The following TRIO variants were observed in gnomAD, a reference collection of about 807,000 sequenced individuals.
The protein encoded by TRIO is trio Rho guanine nucleotide exchange factor, also known as triple functional domain protein.
Under a neutral mutation model 351.9 loss-of-function variants are expected in TRIO, and 58 were observed. That is an observed-to-expected ratio of 0.16 (90% confidence interval 0.13 to 0.21). The LOEUF (loss-of-function observed/expected upper bound fraction) is 0.21. Among genes scored for constraint, TRIO ranks in the 10% least tolerant of loss-of-function variants. TRIO has a pLI of 1.00. For synonymous variants in TRIO, 1,758 were observed against 1,595.7 expected (o/e 1.10, Z -2.42); for missense variants, 3,201 against 4,027.8 (o/e 0.79, Z 5.56).
chr5:14,171,766 G>A (rs1308422241), intron 1 of TRIO, among the ~76,000 whole-genome samples: 1 of 152,148 alleles, frequency 6.6e-6, no homozygotes, highest in Non-Finnish European at 1.5e-5. Context: ...AGAAAGAGAC[G>A]GCAGGAAGGA....
intron 8 of TRIO, among the ~76,000 whole-genome samples, chr5:14,308,100 A>G (rs1738533423): frequency 6.6e-6 from 1 of 151,988 alleles, no homozygotes; most frequent in Admixed American, 6.5e-5. Context: ...ATGGTTCCTT[A>G]CAGTATTGTA....
intron 34 of TRIO, among the ~76,000 whole-genome samples, chr5:14,451,527 C>T (rs1402079382): frequency 6.6e-6 from 1 of 152,182 alleles, no homozygotes; most frequent in African/African-American, 2.4e-5. Context: ...TTACAGCCTC[C>T]CTTGTATGGT....
intron 1 of TRIO, among the ~76,000 whole-genome samples, chr5:14,235,150 C>A (rs1447375446): frequency 1.3e-5 from 2 of 152,140 alleles, no homozygotes; most frequent in Non-Finnish European, 2.9e-5. Context: ...TGTTACCCTA[C>A]CCATCCTGGC....
intron 1 of TRIO, among the ~76,000 whole-genome samples, chr5:14,216,724 C>T (rs1408978368): frequency 1.3e-5 from 2 of 152,228 alleles, no homozygotes; most frequent in Non-Finnish European, 2.9e-5. Flanking sequence ...ATTATAAAAG[C>T]ATGTTTATAG....
At chr5:14,453,522 C>T (rs997355452) in intron 34 of TRIO, among the ~76,000 whole-genome samples, 5 of 152,158 alleles carry the variant, frequency 3.3e-5, no homozygotes, top group African/African-American at 1.2e-4. Flanking sequence ...GTCCTTTATG[C>T]CTCAGCCATC....
chr5:14,377,443 G>A (rs1303559599), intron 19 of TRIO, among the ~76,000 whole-genome samples: 1 of 151,804 alleles, frequency 6.6e-6, no homozygotes, highest in Non-Finnish European at 1.5e-5. Flanking sequence ...ACAGAGTTTC[G>A]CTATGTTGGC....
chr5:14,367,036 C>A (rs1207758938), intron 16 of TRIO, 57 bp downstream of exon 16: 1 of 1,604,628 alleles, frequency 6.2e-7, no homozygotes, highest in Non-Finnish European at 8.5e-7. Flanking sequence ...GACAAACATC[C>A]TGAATCCCCC....
chr5:14,287,742 T>G (rs1161237337), intron 4 of TRIO, among the ~76,000 whole-genome samples: 1 of 152,232 alleles, frequency 6.6e-6, no homozygotes, highest in Non-Finnish European at 1.5e-5. Flanking sequence ...AGGAAAGTCT[T>G]CCTGCCAGCA....
intron 33 of TRIO, 97 bp from the exon 34 acceptor site, chr5:14,419,681 G>T: frequency 6.5e-7 from 1 of 1,535,096 alleles, no homozygotes; most frequent in Non-Finnish European, 8.8e-7. Context: ...CTCCGGGGCA[G>T]GGTGGCAGGA....
intron 1 of TRIO, among the ~76,000 whole-genome samples, chr5:14,235,968 A>G (rs1212424642): frequency 6.6e-6 from 1 of 152,158 alleles, no homozygotes; most frequent in East Asian, 1.9e-4. Flanking sequence ...CCCCAGCCCT[A>G]TAAAACTGTA....
Position 14,431,976 on chromosome 5 carries a change from A to G in TRIO, c.5203+11955A>G, listed in dbSNP as rs965843392. 1.4e-4 allele frequency among the ~76,000 whole-genome samples: 22 copies of G among 152,292 alleles called. 1 individual carries two copies. Among genetic ancestry groups the G allele is most frequent in the Admixed American group, 3.3e-4 (5 of 15,294 alleles). ...TTTAATTTAATCACCTCCTTAAAAGACCTTGTTTCCAAATACAGTCACATT... is the reference window on the plus strand; with the variant it reads ...TTTAATTTAATCACCTCCTTAAAAGGCCTTGTTTCCAAATACAGTCACATT... On this transcript the variant is annotated intron_variant, in intron 34 of 56. Transcript: ENST00000344204.
At chr5:14,437,685 CA>C (rs376087849) in intron 34 of TRIO, among the ~76,000 whole-genome samples, 8,014 of 122,930 alleles carry the variant, frequency 0.065, 526 homozygotes, top group African/African-American at 0.089. Flanking sequence ...GGATGAGGAC[CA>C]CCCCCCCCGC....
At chr5:14,405,732 G>A in intron 31 of TRIO, 116 bp from the exon 32 acceptor site, 2 of 1,305,858 alleles carry the variant, frequency 1.5e-6, no homozygotes, top group Non-Finnish European at 2.1e-6. Context: ...TTGCTTTTCT[G>A]CTAAAAAGTC....
At chr5:14,249,798 G>C (rs1453821129) in intron 1 of TRIO, among the ~76,000 whole-genome samples, 1 of 152,196 alleles carries the variant, frequency 6.6e-6, no homozygotes, top group Non-Finnish European at 1.5e-5. Flanking sequence ...CAAGCTGCCT[G>C]ACACCCAGAG....
At chr5:14,221,774 C>G (rs1052959752) in intron 1 of TRIO, among the ~76,000 whole-genome samples, 1 of 152,212 alleles carries the variant, frequency 6.6e-6, no homozygotes, top group Non-Finnish European at 1.5e-5. Context: ...GAGATGGAAT[C>G]TACACTTGGT....
At chr5:14,225,547 T>A (rs1792937001) in intron 1 of TRIO, among the ~76,000 whole-genome samples, 1 of 152,134 alleles carries the variant, frequency 6.6e-6, no homozygotes. Context: ...GGGTTCTTGC[T>A]GGCTGTTGGC....
chr5:14,389,899 G>T (rs1185887132), intron 25 of TRIO, among the ~76,000 whole-genome samples: 2 of 152,232 alleles, frequency 1.3e-5, no homozygotes, highest in African/African-American at 2.4e-5. Context: ...TAGGTGGCCT[G>T]TGATGAGATG....
rs1480617266 is a variant in TRIO, at chr5:14,143,719, C to T, written c.-7C>T. 6 of 977,116 alleles carry T rather than the reference C, an allele frequency of 6.1e-6. No individual in the cohort carries two copies. Among genetic ancestry groups the T allele is most frequent in the Non-Finnish European group, 7.3e-6 (6 of 826,232 alleles). 60.5% of individuals were successfully genotyped at this position (977,116 alleles called of 1,614,324 possible). A position where few individuals can be genotyped will look rare whatever the true frequency, so the allele number is the denominator to read the frequency against. On this transcript the variant is annotated 5_prime_UTR_variant, in exon 1 of 57. Transcript: ENST00000344204. ...AGGCGGGCGCGGCCGCGGGCGCCGCCGCAGCCATGAGCGGCAGCAGCGGCG... is the reference window on the plus strand; with the variant it reads ...AGGCGGGCGCGGCCGCGGGCGCCGCTGCAGCCATGAGCGGCAGCAGCGGCG...
chr5:14,461,031 T>C lies in TRIO; in HGVS notation c.5216T>C (p.Val1739Ala). The change falls in exon 35 of 57, where the codon GTC becomes GCC. Residue 1739 changes from valine to alanine, a missense_variant. Val to Ala is a moderately conservative substitution (Grantham distance 64, BLOSUM62 0). This residue lies in a region of TRIO where 193 missense variants were observed against 218.8 expected (regional missense o/e 0.88). Transcript: ENST00000344204. The part of the protein sequence containing the change: ...GIFNHKDSLS[V>A]SSNDASPPAS... ...TTCTCCCTGGCAGACTCGCTCTCCG[T>C]CTCCAGCAATGACGCCAGTCCACCC... is the stretch of plus-strand genomic sequence containing the variant. The C allele has an allele frequency of 6.4e-7, 1 of 1,574,716 alleles. No homozygotes were observed. Among genetic ancestry groups the C allele is most frequent in the East Asian group, 2.3e-5 (1 of 42,820 alleles).
Sources: allele counts gnomAD v4.1 joint callset (sites outside exome capture counted in the v4.1 genomes callset), GRCh38; gene constraint gnomAD v4.1.1; regional missense constraint gnomAD v4.1.1; transcripts MANE v1.5; gene names NCBI Gene and HGNC (gene_info 2026-07-23, HGNC 2026-07-21).